Variants in NHSL2 observed in about 807,000 individuals in gnomAD.
The protein encoded by NHSL2 is NHS-like protein 2.
NHSL2 carries 27 observed loss-of-function variants against 53.4 expected under a neutral mutation model. The ratio of observed to expected loss-of-function variants is 0.51; its 90% CI spans 0.37 to 0.70. NHSL2 has a LOEUF of 0.70. Ranked by LOEUF, NHSL2 falls within the 30% of genes least tolerant of loss-of-function variation. The probability of loss-of-function intolerance (pLI) is 0.00; values close to 1 mark genes in which losing one functional copy is unlikely to be tolerated. For synonymous variants in NHSL2, 408 were observed against 404.1 expected (o/e 1.01, Z -0.12); for missense variants, 892 against 980.1 (o/e 0.91, Z 1.20).
intron 4 of NHSL2, 128 bp downstream of exon 4, chrX:72,134,832 C>T (rs1429157972): frequency 5.8e-6 from 3 of 518,896 alleles, no homozygotes; most frequent in Non-Finnish European, 9.4e-6. Context: ...TGCGCTGTCA[C>T]GGTCATGGCT....
At chrX:72,090,149 G>A (rs1192923511) in intron 1 of NHSL2, among the ~76,000 whole-genome samples, 1 of 110,949 alleles carries the variant, frequency 9.0e-6, no homozygotes, top group Admixed American at 9.6e-5. Context: ...CTGCAGCCTC[G>A]AATTCCCAGG....
intron 1 of NHSL2, among the ~76,000 whole-genome samples, chrX:72,064,033 G>C (rs759516593): frequency 1.8e-5 from 2 of 111,075 alleles, no homozygotes; most frequent in Non-Finnish European, 3.8e-5. Flanking sequence ...AAGCAGAGAT[G>C]GAAGTGGAAG....
At chrX:72,127,629 T>TACCTC (rs2042239038) in intron 1 of NHSL2, 1 of 40,659 alleles carries the variant, frequency 2.5e-5, no homozygotes, top group Non-Finnish European at 1.2e-4. Context: ...CAGGGTCCAC[T>TACCTC]GCCTCGAAGA....
At chrX:72,001,837 C>T (rs2042074095) in intron 1 of NHSL2, among the ~76,000 whole-genome samples, 1 of 112,337 alleles carries the variant, frequency 8.9e-6, no homozygotes, top group Non-Finnish European at 1.9e-5. Context: ...CTTTCCAGAT[C>T]ATCCCAGCCC....
chrX:71,980,432 T>C (rs993516943), intron 1 of NHSL2, among the ~76,000 whole-genome samples: 3 of 111,463 alleles, frequency 2.7e-5, no homozygotes, highest in Non-Finnish European at 3.8e-5. Context: ...TCCTCTTTTA[T>C]TTTGTTGTTG....
At chrX:71,999,872 A>G (rs1483809063) in intron 1 of NHSL2, among the ~76,000 whole-genome samples, 1 of 112,032 alleles carries the variant, frequency 8.9e-6, no homozygotes, top group Non-Finnish European at 1.9e-5. Context: ...GAAAATATCA[A>G]CCATCATTCA....
intron 1 of NHSL2, among the ~76,000 whole-genome samples, chrX:72,099,101 C>T (rs2041969228): frequency 9.1e-6 from 1 of 109,698 alleles, no homozygotes; most frequent in African/African-American, 3.3e-5. Context: ...TGTGTGGAAC[C>T]CATCCCTTGT....
chrX:72,061,981 T>C (rs915375245), intron 1 of NHSL2, among the ~76,000 whole-genome samples: 35 of 112,407 alleles, frequency 3.1e-4, no homozygotes, highest in Non-Finnish European at 6.0e-4. Flanking sequence ...ATTATTCGTG[T>C]ACTTGGTTAT....
intron 1 of NHSL2, among the ~76,000 whole-genome samples, chrX:71,962,219 G>A (rs1379231272): frequency 9.0e-6 from 1 of 111,621 alleles, no homozygotes; most frequent in Non-Finnish European, 1.9e-5. Flanking sequence ...AATTCAGCCT[G>A]CTAATTTTTT....
At chrX:72,126,434 T>C in intron 1 of NHSL2, among the ~76,000 whole-genome samples, 1 of 111,605 alleles carries the variant, frequency 9.0e-6, no homozygotes, top group Non-Finnish European at 1.9e-5. Context: ...TCCTCATCTT[T>C]AAGATGAGGG....
At chrX:72,021,038 T>TAC (rs1037964289) in intron 1 of NHSL2, among the ~76,000 whole-genome samples, 2 of 105,799 alleles carry the variant, frequency 1.9e-5, no homozygotes, top group African/African-American at 3.9e-5. Flanking sequence ...TGAGGGTGTG[T>TAC]ACACACACAC....
At chrX:72,036,283 C>G (rs1311924499) in intron 1 of NHSL2, among the ~76,000 whole-genome samples, 1 of 112,087 alleles carries the variant, frequency 8.9e-6, no homozygotes, top group Non-Finnish European at 1.9e-5. Flanking sequence ...GTTGACAACT[C>G]TTTTATTTCA....
At chrX:72,134,281 C>T in intron 3 of NHSL2, 63 bp downstream of exon 3, 1 of 1,094,936 alleles carries the variant, frequency 9.1e-7, no homozygotes, top group Non-Finnish European at 1.2e-6. Context: ...AGACCTCCAG[C>T]TGCTTACTTT....
chrX:71,915,804 T>C (rs1198567990), intron 1 of NHSL2, among the ~76,000 whole-genome samples: 2 of 111,481 alleles, frequency 1.8e-5, no homozygotes, highest in Non-Finnish European at 3.8e-5. Context: ...TCAAAGTCAG[T>C]TGTTCTTCGA....
intron 1 of NHSL2, among the ~76,000 whole-genome samples, chrX:72,001,476 A>G (rs1177942699): frequency 8.9e-6 from 1 of 111,933 alleles, no homozygotes; most frequent in Non-Finnish European, 1.9e-5. Flanking sequence ...AATGAGGTAT[A>G]TGTCTGTCTG....
chrX:72,071,720 T>C (rs1017276061), intron 1 of NHSL2, among the ~76,000 whole-genome samples: 3 of 111,742 alleles, frequency 2.7e-5, no homozygotes, highest in African/African-American at 9.8e-5. Flanking sequence ...TGCTCGCTTT[T>C]CTCTCTTCCA....
intron 1 of NHSL2, among the ~76,000 whole-genome samples, chrX:71,968,442 A>G (rs1406446627): frequency 1.8e-5 from 2 of 112,295 alleles, no homozygotes; most frequent in Non-Finnish European, 3.8e-5. Context: ...TACTTTTTGG[A>G]TATTATGAAT....
intron 1 of NHSL2, among the ~76,000 whole-genome samples, chrX:72,049,964 C>G (rs923375920): frequency 6.7e-5 from 7 of 105,260 alleles, no homozygotes; most frequent in African/African-American, 2.5e-4. Context: ...CTAGCTATAA[C>G]TAGCTTCTAG....
At chrX:72,000,896 C>G (rs1285104606) in intron 1 of NHSL2, among the ~76,000 whole-genome samples, 1 of 112,649 alleles carries the variant, frequency 8.9e-6, no homozygotes, top group Non-Finnish European at 1.9e-5. Flanking sequence ...TGAACACATT[C>G]ACAGGTTCCA....
Sources: allele counts gnomAD v4.1 joint callset (sites outside exome capture counted in the v4.1 genomes callset), GRCh38; gene constraint gnomAD v4.1.1; transcripts MANE v1.5; gene names NCBI Gene and HGNC (gene_info 2026-07-23, HGNC 2026-07-21).